Variants in FHL2 observed in about 807,000 individuals in gnomAD.
FHL2 encodes four and a half LIM domains protein 2.
In FHL2, 20 loss-of-function variants were observed where a neutral mutation model predicts 32.7. The observed-to-expected ratio is 0.61, with a 90% CI of 0.43 to 0.89. The LOEUF (loss-of-function observed/expected upper bound fraction) is 0.89, where lower values mean the gene tolerates loss of function less well. FHL2 is among the 40% of genes least tolerant of loss of function. The pLI is 0.00. For missense variants in FHL2, 311 were observed against 358.6 expected, an observed-to-expected ratio of 0.87 and a Z score of 1.07; for synonymous variants, 123 against 128.1, an observed-to-expected ratio of 0.96 and a Z score of 0.27.
intron 6 of FHL2, chr2:105,363,053 G>A (rs1573272948): frequency 3.9e-6 from 2 of 513,074 alleles, no homozygotes; most frequent in East Asian, 6.7e-5. Flanking sequence ...CTAAACTGGA[G>A]CACTGGCCAT....
In FHL2 at chr2:105,363,388, CAGCTGCTTCCTGCAGGCGGTGCACACGA is replaced by C. The variant is rs1415260534; in HGVS notation, c.557_584del (p.Phe186CysfsTer16). 1 of 1,614,040 alleles carries C rather than the reference CAGCTGCTTCCTGCAGGCGGTGCACACGA, an allele frequency of 6.2e-7. No homozygotes were observed. The highest frequency in any genetic ancestry group is 8.5e-7 in the Non-Finnish European group (1 of 1,179,968). On this transcript the variant is annotated frameshift_variant, in exon 6 of 7. Transcript: ENST00000530340. LOFTEE classifies it high-confidence loss of function. ...CGCGAGCTGTGAAGCGCTGCCCAGA[CAGCTGCTTCCTGCAGGCGGTGCACACGA>C]AGCACTCCTTGTGCCAGGGCTGCTC...
At chr2:105,363,056 C>A in intron 6 of FHL2, 1 of 515,658 alleles carries the variant, frequency 1.9e-6, no homozygotes, top group Non-Finnish European at 3.5e-6. Flanking sequence ...AACTGGAGCA[C>A]TGGCCATATG....
At chr2:105,406,639 A>C (rs1002276291) in intron 1 of FHL2, among the ~76,000 whole-genome samples, 2 of 152,156 alleles carry the variant, frequency 1.3e-5, no homozygotes, top group Admixed American at 6.5e-5. Flanking sequence ...TTGAATTTCC[A>C]GGTCAGGGTA....
At chr2:105,419,252 G>T (rs1684027483) in intron 1 of FHL2, among the ~76,000 whole-genome samples, 1 of 152,088 alleles carries the variant, frequency 6.6e-6, no homozygotes, top group African/African-American at 2.4e-5. Flanking sequence ...GGTGGTGTTT[G>T]GTTACGTAAG....
Position 105,363,488 on chromosome 2 carries a change from G to T in FHL2, c.502-17C>A. On this transcript the variant is annotated splice_polypyrimidine_tract_variant and intron_variant, in intron 5 of 6. Coordinates refer to ENST00000530340, the MANE Select transcript of FHL2 (RefSeq NM_001318895.3). ...GGTGATGGGCTGCAGGGACGAGGGGGAGAGTTAGTGTGGCCTCTGTGCTTG... is the reference window on the plus strand; with the variant it reads ...GGTGATGGGCTGCAGGGACGAGGGGTAGAGTTAGTGTGGCCTCTGTGCTTG... 1.3e-6 allele frequency: 2 copies of T among 1,590,370 alleles called. No homozygotes were observed. Among genetic ancestry groups the T allele is most frequent in the Non-Finnish European group, 1.7e-6 (2 of 1,167,704 alleles).
intron 4 of FHL2, among the ~76,000 whole-genome samples, chr2:105,368,814 TG>T (rs1680820171): frequency 6.6e-6 from 1 of 152,154 alleles, no homozygotes; most frequent in Admixed American, 6.5e-5. Flanking sequence ...AAGAACAATC[TG>T]GGGAAATAAG....
At chr2:105,370,364 G>C (rs1434807299) in intron 4 of FHL2, among the ~76,000 whole-genome samples, 1 of 150,498 alleles carries the variant, frequency 6.6e-6, no homozygotes, top group Non-Finnish European at 1.5e-5. Context: ...GAAAGAGCGA[G>C]ATCCTGGCTC....
chr2:105,409,396 G>A (rs1683729791), intron 1 of FHL2, among the ~76,000 whole-genome samples: 1 of 152,222 alleles, frequency 6.6e-6, no homozygotes, highest in East Asian at 1.9e-4. Flanking sequence ...ATGCTCATGT[G>A]TGGCTGTGGC....
intron 1 of FHL2, among the ~76,000 whole-genome samples, chr2:105,425,128 T>G (rs1003055490): frequency 6.6e-6 from 1 of 152,182 alleles, no homozygotes; most frequent in African/African-American, 2.4e-5. Flanking sequence ...AAACAATTGC[T>G]TTGCTGAGAT....
At chr2:105,366,763 T>G (rs1002078379) in intron 5 of FHL2, among the ~76,000 whole-genome samples, 2 of 152,230 alleles carry the variant, frequency 1.3e-5, no homozygotes, top group African/African-American at 4.8e-5. Flanking sequence ...TTTAATTTTT[T>G]GAGATGGAGT....
At chr2:105,421,697 G>A (rs1684107150) in intron 1 of FHL2, among the ~76,000 whole-genome samples, 1 of 152,176 alleles carries the variant, frequency 6.6e-6, no homozygotes, top group African/African-American at 2.4e-5. Flanking sequence ...TTGAGAAAGT[G>A]TCTAGCTCAG....
chr2:105,368,122 T>C (rs1187202719), intron 4 of FHL2, among the ~76,000 whole-genome samples: 1 of 152,192 alleles, frequency 6.6e-6, no homozygotes, highest in Non-Finnish European at 1.5e-5. Context: ...CTAGGGACTG[T>C]ATTCACCTAT....
intron 4 of FHL2, among the ~76,000 whole-genome samples, chr2:105,372,973 AC>A (rs975843371): frequency 2.6e-5 from 4 of 152,196 alleles, no homozygotes; most frequent in African/African-American, 9.7e-5. Context: ...ACATACACAC[AC>A]AAAAAAACCA....
chr2:105,418,044 T>C (rs570240106), intron 1 of FHL2, among the ~76,000 whole-genome samples: 1 of 152,290 alleles, frequency 6.6e-6, no homozygotes, highest in South Asian at 2.1e-4. Context: ...GGACCACACA[T>C]TGAGAACCAC....
At chr2:105,400,356 G>A (rs1683419335), upstream of FHL2, among the ~76,000 whole-genome samples, 1 of 152,056 alleles carries the variant, frequency 6.6e-6, no homozygotes, top group Non-Finnish European at 1.5e-5. Context: ...CTAGATGTGC[G>A]GAATACAGCC....
chr2:105,389,070 T>G (rs1682534965), intron 2 of FHL2, among the ~76,000 whole-genome samples: 1 of 152,246 alleles, frequency 6.6e-6, no homozygotes, highest in Non-Finnish European at 1.5e-5. Flanking sequence ...TTTCAAGAAT[T>G]CATTCTTGGA....
chr2:105,403,749 G>C (rs940163889), upstream of FHL2, among the ~76,000 whole-genome samples: 1 of 152,200 alleles, frequency 6.6e-6, no homozygotes, highest in Non-Finnish European at 1.5e-5. Flanking sequence ...TTAGGGCGTG[G>C]GGGAGGGACA....
At chr2:105,406,589 A>G (rs1177001426) in intron 1 of FHL2, among the ~76,000 whole-genome samples, 1 of 151,782 alleles carries the variant, frequency 6.6e-6, no homozygotes, top group Non-Finnish European at 1.5e-5. Context: ...CGCTCTTTGC[A>G]TGGAGGGTCT....
chr2:105,398,716 A>T, intron 1 of FHL2, 126 bp downstream of exon 1: 1 of 464,190 alleles, frequency 2.2e-6, no homozygotes, highest in Non-Finnish European at 3.3e-6. Context: ...CCCAACCCCC[A>T]GGGTTCGGCT....
Sources: gnomAD v4.1 joint callset for allele counts (sites outside exome capture counted in the v4.1 genomes callset) on GRCh38, gnomAD v4.1.1 for gene constraint, MANE v1.5 for transcripts, NCBI Gene and HGNC (gene_info 2026-07-23, HGNC 2026-07-21) for gene names.